The following CDH18 variants were observed in gnomAD, a reference collection of about 807,000 sequenced individuals.
CDH18 encodes the protein cadherin 18, also known as cadherin-18.
Under a neutral mutation model 67.9 loss-of-function variants are expected in CDH18, and 31 were observed. That is an observed-to-expected ratio of 0.46 (90% CI 0.34 to 0.62). The LOEUF (loss-of-function observed/expected upper bound fraction) is 0.62, where lower values mean the gene tolerates loss of function less well. Among genes scored for constraint, CDH18 ranks in the 20% least tolerant of loss-of-function variants. The pLI is 0.01. For missense variants in CDH18, 890 were observed against 975.5 expected (o/e 0.91, Z 1.17); for synonymous variants, 362 against 347.2 (o/e 1.04, Z -0.48).
Position 20,273,948 on chromosome 5 carries a change from A to G in CDH18, c.-579-18443T>C, listed in dbSNP as rs534129789. Among the ~76,000 whole-genome samples the G allele has an allele frequency of 9.9e-5, 15 of 152,282 alleles. No individual in the cohort carries two copies. In the South Asian group the frequency reaches 1.9e-3, roughly 19 times the overall value. Reference sequence around the variant, plus strand: ...TTTTTGGAGATGTAAATAAGTTAAGATGATTTCTTTAGAGTAGGCTCTAAT... The same window carrying G: ...TTTTTGGAGATGTAAATAAGTTAAGGTGATTTCTTTAGAGTAGGCTCTAAT... On this transcript the variant is annotated intron_variant, in intron 1 of 14. Transcript: ENST00000507958.
intron 5 of CDH18, among the ~76,000 whole-genome samples, chr5:19,720,469 G>A (rs1765941320): frequency 6.6e-6 from 1 of 152,020 alleles, no homozygotes; most frequent in Admixed American, 6.6e-5. Context: ...CTTGAGATTT[G>A]TTACTGAACA....
intron 8 of CDH18, among the ~76,000 whole-genome samples, chr5:19,557,847 A>G (rs1738714800): frequency 6.6e-6 from 1 of 152,088 alleles, no homozygotes; most frequent in South Asian, 2.1e-4. Flanking sequence ...TATTCATTCT[A>G]TTCATCAGCA....
upstream of CDH18, among the ~76,000 whole-genome samples, chr5:19,991,076 A>C (rs1185221829): frequency 6.6e-6 from 1 of 152,192 alleles, no homozygotes; most frequent in African/African-American, 2.4e-5. Context: ...AGACTATAGA[A>C]ACTGGAAAGA....
At chr5:19,489,319 C>T (rs537915768) in intron 11 of CDH18, among the ~76,000 whole-genome samples, 7 of 146,348 alleles carry the variant, frequency 4.8e-5, no homozygotes, top group African/African-American at 7.7e-5. Context: ...GCAATCTTGG[C>T]TCACTGCAAC....
intron 2 of CDH18, among the ~76,000 whole-genome samples, chr5:20,148,796 G>A (rs1184052730): frequency 1.3e-5 from 2 of 152,074 alleles, no homozygotes; most frequent in African/African-American, 2.4e-5. Context: ...CAAGAACTCA[G>A]TTTGACAAAA....
At chr5:20,226,611 C>T (rs1741650134) in intron 2 of CDH18, among the ~76,000 whole-genome samples, 1 of 152,200 alleles carries the variant, frequency 6.6e-6, no homozygotes, top group East Asian at 1.9e-4. Context: ...TCTCAAATCA[C>T]TTTAACAAAT....
intron 2 of CDH18, among the ~76,000 whole-genome samples, chr5:20,108,519 C>T (rs1440490662): frequency 6.6e-6 from 1 of 152,128 alleles, no homozygotes; most frequent in African/African-American, 2.4e-5. Context: ...AAAACAGTCA[C>T]TGAATTTCCC....
chr5:19,886,424 A>T (rs1478728202), intron 2 of CDH18, among the ~76,000 whole-genome samples: 3 of 152,180 alleles, frequency 2.0e-5, no homozygotes, highest in African/African-American at 7.2e-5. Flanking sequence ...GGACAGAAAC[A>T]GAGACAAGAG....
chr5:20,340,997 G>C (rs1433143442), intron 1 of CDH18, among the ~76,000 whole-genome samples: 1 of 152,118 alleles, frequency 6.6e-6, no homozygotes, highest in Non-Finnish European at 1.5e-5. Context: ...CCCTGGTGGA[G>C]ACCAACATTA....
At chr5:20,273,048 C>A (rs1176265048) in intron 1 of CDH18, among the ~76,000 whole-genome samples, 1 of 151,968 alleles carries the variant, frequency 6.6e-6, no homozygotes, top group African/African-American at 2.4e-5. Flanking sequence ...TAGGATTGTG[C>A]AAAAGTACAT....
chr5:19,814,847 TACACACAC>T (rs200095987), intron 3 of CDH18, among the ~76,000 whole-genome samples: 8 of 127,710 alleles, frequency 6.3e-5, no homozygotes, highest in Non-Finnish European at 1.4e-4. Flanking sequence ...GCAAAATTGT[TACACACAC>T]ACACACACAC....
At chr5:19,622,392 A>G (rs1561487905) in intron 5 of CDH18, among the ~76,000 whole-genome samples, 1 of 152,196 alleles carries the variant, frequency 6.6e-6, no homozygotes, top group Non-Finnish European at 1.5e-5. Flanking sequence ...AGAACCAACT[A>G]TCAATGCTAC....
chr5:20,527,439 C>A (rs1483056713), intron 1 of CDH18, among the ~76,000 whole-genome samples: 1 of 151,866 alleles, frequency 6.6e-6, no homozygotes, highest in South Asian at 2.1e-4. Context: ...ACAAGATCAA[C>A]CCCAAGACAT....
At chr5:19,993,885 A>T (rs1403403970) in intron 2 of CDH18, among the ~76,000 whole-genome samples, 6 of 152,066 alleles carry the variant, frequency 3.9e-5, no homozygotes, top group Non-Finnish European at 7.4e-5. Context: ...GTAAATTTTC[A>T]TGTTTGTTTA....
At chr5:20,272,326 A>G (rs192740234) in intron 1 of CDH18, among the ~76,000 whole-genome samples, 1 of 152,194 alleles carries the variant, frequency 6.6e-6, no homozygotes, top group East Asian at 1.9e-4. Flanking sequence ...TGGGCTTAAG[A>G]GAGAAGGCAG....
rs575823259 is a variant in CDH18 at position 20,487,711 on chromosome 5, C to T, written c.-580+87751G>A. ...TTGAAAACATTTTCATTATTAACTG[C>T]CACAAATTTGTTAGGTAATTATGAA... On this transcript the variant is annotated intron_variant, in intron 1 of 14. Transcript: ENST00000507958. Among the ~76,000 whole-genome samples the T allele has an allele frequency of 1.8e-4, 27 of 151,110 alleles. 3 individuals carry two copies. The highest frequency in any genetic ancestry group is 6.3e-4 in the African/African-American group (26 of 41,204).
chr5:20,113,382 C>A (rs1027270730), intron 2 of CDH18, among the ~76,000 whole-genome samples: 2 of 152,104 alleles, frequency 1.3e-5, no homozygotes, highest in African/African-American at 4.8e-5. Flanking sequence ...TTTTAGTTTT[C>A]AAATTTAGTT....
At chr5:19,655,093 C>G (rs963258176) in intron 5 of CDH18, among the ~76,000 whole-genome samples, 1 of 152,244 alleles carries the variant, frequency 6.6e-6, no homozygotes, top group South Asian at 2.1e-4. Context: ...GTTTTCTAGG[C>G]TTGAGAGTGG....
intron 3 of CDH18, among the ~76,000 whole-genome samples, chr5:19,798,754 T>C (rs1777115397): frequency 6.6e-6 from 1 of 152,082 alleles, no homozygotes; most frequent in African/African-American, 2.4e-5. Flanking sequence ...ATTCCGCTAA[T>C]TATTTAATTC....
Sources: allele counts gnomAD v4.1 joint callset (sites outside exome capture counted in the v4.1 genomes callset), GRCh38; gene constraint gnomAD v4.1.1; transcripts MANE v1.5; gene names NCBI Gene and HGNC (gene_info 2026-07-23, HGNC 2026-07-21).